KCNIP4: variants seen among roughly 807,000 people sequenced by gnomAD.
The protein encoded by KCNIP4 is Kv channel-interacting protein 4.
In KCNIP4, 12 loss-of-function variants were observed where a neutral mutation model predicts 34.0. The observed-to-expected ratio is 0.35, with a 90% CI of 0.23 to 0.57. The LOEUF is 0.57. Among genes scored for constraint, KCNIP4 ranks in the 20% least tolerant of loss-of-function variants. KCNIP4 has a pLI of 0.83. For missense variants in KCNIP4, 238 were observed against 311.7 expected (o/e 0.76, Z 1.78); for synonymous variants, 124 against 102.2 (o/e 1.21, Z -1.29).
Position 21,502,789 on chromosome 4 carries a change from CCA to C in KCNIP4, c.61+445780_61+445781del, listed in dbSNP as rs908745764. ...AAGTTACAGGTCCTATTCCGTTTTG[CCA>C]CAGAGTGCGGGCTCACTATAACCCT... On this transcript the variant is annotated intron_variant, in intron 1 of 8. Transcript: ENST00000382152. Among the ~76,000 whole-genome samples, 9 of 152,268 alleles carry C rather than the reference CCA, an allele frequency of 5.9e-5. No homozygotes were observed. The East Asian group carries it at 7.7e-4, about 13-fold the overall frequency.
intron 1 of KCNIP4, among the ~76,000 whole-genome samples, chr4:21,615,432 G>T (rs971819119): frequency 6.6e-6 from 1 of 151,178 alleles, no homozygotes; most frequent in Non-Finnish European, 1.5e-5. Context: ...TGTAGGCCCA[G>T]CTACTCAGGA....
At chr4:21,417,229 G>A (rs909047240) in intron 1 of KCNIP4, among the ~76,000 whole-genome samples, 7 of 151,956 alleles carry the variant, frequency 4.6e-5, no homozygotes, top group Non-Finnish European at 1.0e-4. Context: ...CAAGAAAAGA[G>A]AGAGACTGTA....
intron 1 of KCNIP4, among the ~76,000 whole-genome samples, chr4:21,778,109 A>G (rs910583275): frequency 6.6e-6 from 1 of 152,152 alleles, no homozygotes; most frequent in Admixed American, 6.5e-5. Flanking sequence ...GCTGAGTTTC[A>G]GAGCAGGAAA....
chr4:21,480,085 T>A (rs1204780472), intron 1 of KCNIP4, among the ~76,000 whole-genome samples: 1 of 151,524 alleles, frequency 6.6e-6, no homozygotes, highest in East Asian at 1.9e-4. Context: ...TTAATCACAT[T>A]GACTAAGAAG....
chr4:21,753,915 AC>A (rs1165682769), intron 1 of KCNIP4, among the ~76,000 whole-genome samples: 1 of 151,416 alleles, frequency 6.6e-6, no homozygotes, highest in Non-Finnish European at 1.5e-5. Flanking sequence ...CCATCTACTG[AC>A]CCCCTCCTCC....
chr4:20,923,360 A>G (rs1429364838), intron 1 of KCNIP4, among the ~76,000 whole-genome samples: 1 of 152,198 alleles, frequency 6.6e-6, no homozygotes, highest in Non-Finnish European at 1.5e-5. Context: ...AAATTTTCAC[A>G]CCATTCCTAA....
At chr4:21,596,413 C>G (rs182651173) in intron 1 of KCNIP4, among the ~76,000 whole-genome samples, 53 of 152,178 alleles carry the variant, frequency 3.5e-4, no homozygotes, top group Admixed American at 3.5e-3. Flanking sequence ...TCTGTTAACA[C>G]TGCATTTTTA....
At chr4:20,957,665 C>A (rs10155343) in intron 1 of KCNIP4, among the ~76,000 whole-genome samples, 95,624 of 151,536 alleles carry the variant, frequency 0.63, 30,338 homozygotes, top group East Asian at 0.74. Context: ...TATGGGATAA[C>A]GAGCTGTGCT....
chr4:21,141,868 A>AC (rs944205221), intron 1 of KCNIP4, among the ~76,000 whole-genome samples: 43 of 122,912 alleles, frequency 3.5e-4, no homozygotes, highest in Non-Finnish European at 5.9e-4. Flanking sequence ...AATAACAACA[A>AC]AAAAAAAAAA....
chr4:20,928,554 C>T (rs943507742), intron 1 of KCNIP4, among the ~76,000 whole-genome samples: 101 of 151,146 alleles, frequency 6.7e-4, no homozygotes, highest in African/African-American at 2.3e-3. Context: ...CATTATGCCT[C>T]AAGAAACTAA....
intron 1 of KCNIP4, among the ~76,000 whole-genome samples, chr4:21,373,813 C>G (rs930601934): frequency 3.4e-5 from 5 of 146,976 alleles, no homozygotes; most frequent in Non-Finnish European, 7.4e-5. Context: ...TCAAGCAATT[C>G]TCATGCCTCA....
chr4:20,843,806 A>G (rs1223325987), intron 3 of KCNIP4, among the ~76,000 whole-genome samples: 15 of 152,262 alleles, frequency 9.9e-5, no homozygotes, highest in Admixed American at 9.2e-4. Flanking sequence ...CACAGAATAT[A>G]TTAGATTGAT....
At chr4:20,795,022 TG>T (rs1713266860) in intron 3 of KCNIP4, among the ~76,000 whole-genome samples, 1 of 152,222 alleles carries the variant, frequency 6.6e-6, no homozygotes, top group South Asian at 2.1e-4. Context: ...GTGGGACTTT[TG>T]CAGTAATTTA....
intron 1 of KCNIP4, among the ~76,000 whole-genome samples, chr4:20,896,882 C>G (rs962275401): frequency 1.3e-5 from 2 of 151,608 alleles, no homozygotes; most frequent in Non-Finnish European, 2.9e-5. Flanking sequence ...ACAGAATCGC[C>G]AAAATGTAAG....
At chr4:20,735,119 C>T (rs6447978) in intron 5 of KCNIP4, among the ~76,000 whole-genome samples, 49,601 of 151,788 alleles carry the variant, frequency 0.33, 8,562 homozygotes, top group African/African-American at 0.43. Flanking sequence ...AATGAAAAAC[C>T]GTTTGCTAAT....
chr4:21,479,816 C>T (rs17524672), intron 1 of KCNIP4, among the ~76,000 whole-genome samples: 3 of 151,306 alleles, frequency 2.0e-5, no homozygotes, highest in South Asian at 2.1e-4. Flanking sequence ...GTAAAATATA[C>T]AATAAAACTC....
intron 1 of KCNIP4, among the ~76,000 whole-genome samples, chr4:21,545,330 C>G (rs1738050894): frequency 6.6e-6 from 1 of 152,122 alleles, no homozygotes; most frequent in Admixed American, 6.5e-5. Context: ...GGGCAATCAG[C>G]AGCCCTCGGG....
At chr4:20,893,428 T>C (rs1251983519) in intron 1 of KCNIP4, among the ~76,000 whole-genome samples, 1 of 152,106 alleles carries the variant, frequency 6.6e-6, no homozygotes, top group Admixed American at 6.5e-5. Flanking sequence ...CTCTGTTTTT[T>C]TTTGTTTGTT....
At chr4:21,430,616 G>C (rs1439620294) in intron 1 of KCNIP4, among the ~76,000 whole-genome samples, 4 of 152,058 alleles carry the variant, frequency 2.6e-5, no homozygotes, top group Admixed American at 6.6e-5. Context: ...TATTTATGAA[G>C]GGTTTAGGGT....
Sources: gnomAD v4.1 joint callset for allele counts (sites outside exome capture counted in the v4.1 genomes callset) on GRCh38, gnomAD v4.1.1 for gene constraint, MANE v1.5 for transcripts, NCBI Gene and HGNC (gene_info 2026-07-23, HGNC 2026-07-21) for gene names.